The following LARP4B variants were observed in gnomAD, a reference collection of about 807,000 sequenced individuals.
LARP4B encodes the protein La ribonucleoprotein 4B, also known as la-related protein 4B.
In LARP4B, 12 loss-of-function variants were observed where a neutral mutation model predicts 89.8. The observed-to-expected ratio is 0.13, with a 90% CI of 0.09 to 0.22. The LOEUF is 0.22. Ranked by LOEUF, LARP4B falls within the 10% of genes least tolerant of loss-of-function variation. The probability of loss-of-function intolerance (pLI) is 1.00; values close to 1 mark genes in which losing one functional copy is unlikely to be tolerated. For synonymous variants in LARP4B, 367 were observed against 363.3 expected, an observed-to-expected ratio of 1.01 and a Z score of -0.12; for missense variants, 757 against 947.7, an observed-to-expected ratio of 0.80 and a Z score of 2.64.
intron 1 of LARP4B, among the ~76,000 whole-genome samples, chr10:890,740 T>C (rs1380445508): frequency 1.3e-5 from 2 of 152,120 alleles, no homozygotes; most frequent in Non-Finnish European, 2.9e-5. Context: ...TTTAACTATG[T>C]AGATGATTCT....
At chr10:964,098 G>A in the LARP4B span, among the ~76,000 whole-genome samples, 8 of 152,118 alleles carry the variant, frequency 5.3e-5, no homozygotes, top group South Asian at 2.1e-4. Flanking sequence ...ACAGAGTCTC[G>A]CTCTGTTGCC....
chr10:984,097 A>G, the LARP4B span, among the ~76,000 whole-genome samples: 24 of 152,204 alleles, frequency 1.6e-4, no homozygotes, highest in Non-Finnish European at 2.8e-4. Context: ...AACTTGTGAC[A>G]ATGACGTCAC....
intron 11 of LARP4B, among the ~76,000 whole-genome samples, chr10:828,964 C>G (rs147181667): frequency 1.1e-4 from 16 of 152,238 alleles, no homozygotes; most frequent in Middle Eastern, 3.4e-3. Flanking sequence ...TCCTGTCGAC[C>G]AACTCTAATG....
chr10:910,008 C>T (rs528160451), intron 1 of LARP4B, among the ~76,000 whole-genome samples: 3 of 152,078 alleles, frequency 2.0e-5, no homozygotes, highest in Non-Finnish European at 4.4e-5. Context: ...GGTATGCAGG[C>T]CCAGAGAGCC....
intron 5 of LARP4B, 29 bp downstream of exon 5, chr10:863,714 G>T: frequency 6.4e-7 from 1 of 1,564,128 alleles, no homozygotes; most frequent in Non-Finnish European, 8.6e-7. Flanking sequence ...CATATTCCCT[G>T]GGAAAATGCA....
At chr10:930,032 C>A (rs1837256186) in intron 1 of LARP4B, among the ~76,000 whole-genome samples, 2 of 152,054 alleles carry the variant, frequency 1.3e-5, no homozygotes, top group Non-Finnish European at 2.9e-5. Context: ...ATTTCAACTT[C>A]TGTAAATTAC....
chr10:945,689 GA>G, the LARP4B span, among the ~76,000 whole-genome samples: 114 of 142,570 alleles, frequency 8.0e-4, no homozygotes, highest in East Asian at 0.014. Flanking sequence ...CTCCGTCTCA[GA>G]AAAAAAAAAA....
chr10:912,675 C>G (rs1378402232), intron 1 of LARP4B, among the ~76,000 whole-genome samples: 2 of 142,324 alleles, frequency 1.4e-5, no homozygotes, highest in Non-Finnish European at 3.0e-5. Flanking sequence ...AGGTCAAAAC[C>G]AGCCTGGGCA....
At chr10:876,308 C>T (rs1428867495) in intron 3 of LARP4B, among the ~76,000 whole-genome samples, 6 of 152,064 alleles carry the variant, frequency 3.9e-5, no homozygotes, top group Admixed American at 3.9e-4. Flanking sequence ...CGCTTGAACC[C>T]AGCGGGTCAG....
At chr10:859,725 A>G (rs1045557104) in intron 5 of LARP4B, among the ~76,000 whole-genome samples, 2 of 152,224 alleles carry the variant, frequency 1.3e-5, no homozygotes, top group Non-Finnish European at 1.5e-5. Context: ...CAAGCCTTGA[A>G]GACATGGAGG....
the LARP4B span, among the ~76,000 whole-genome samples, chr10:983,602 G>C: frequency 6.6e-6 from 1 of 152,128 alleles, no homozygotes; most frequent in African/African-American, 2.4e-5. Flanking sequence ...GGAAGCCTGG[G>C]AGCAGCTCTC....
chr10:837,050 C>T (rs1833256960), intron 7 of LARP4B, among the ~76,000 whole-genome samples: 1 of 152,174 alleles, frequency 6.6e-6, no homozygotes, highest in African/African-American at 2.4e-5. Context: ...CCCACTGTCA[C>T]AAAGACACAA....
At chr10:975,392 G>A in the LARP4B span, among the ~76,000 whole-genome samples, 7 of 152,310 alleles carry the variant, frequency 4.6e-5, no homozygotes, top group South Asian at 2.1e-4. Flanking sequence ...CTCAGTAAGC[G>A]TCTGTTGAAT....
chr10:871,922 G>A (rs1040450062), intron 3 of LARP4B, among the ~76,000 whole-genome samples: 11 of 152,032 alleles, frequency 7.2e-5, no homozygotes, highest in Non-Finnish European at 1.6e-4. Flanking sequence ...TACCACCTCC[G>A]GGTCATCACT....
At chr10:961,165 A>T in the LARP4B span, among the ~76,000 whole-genome samples, 2 of 152,198 alleles carry the variant, frequency 1.3e-5, no homozygotes, top group East Asian at 3.8e-4. Flanking sequence ...ATGTTAAAAG[A>T]AGTTCTTCAG....
rs77170159 is a variant in LARP4B at position 922,871 on chromosome 10, G to A, written c.-40+8557C>T. Among the ~76,000 whole-genome samples, 429 of 152,258 alleles carry A rather than the reference G, an allele frequency of 2.8e-3. 5 individuals are homozygous for A. Among genetic ancestry groups the A allele is most frequent in the African/African-American group, 1.0e-2 (415 of 41,550 alleles). On this transcript the variant is annotated intron_variant, in intron 1 of 17. Coordinates refer to ENST00000316157, the MANE Select transcript of LARP4B (RefSeq NM_015155.3). Reference sequence around the variant, plus strand: ...GCAGATTGCTTGAGGTCAGGAGATTGAGTCCATCCTGGCTAACATGGTGAA... The same window carrying A: ...GCAGATTGCTTGAGGTCAGGAGATTAAGTCCATCCTGGCTAACATGGTGAA...
chr10:869,943 TAATAATAA>T (rs1406684442), intron 3 of LARP4B: 1 of 176,300 alleles, frequency 5.7e-6, no homozygotes, highest in Non-Finnish European at 1.0e-5. Context: ...ATAATAATAA[TAATAATAA>T]ATTAAAATGT....
chr10:938,709 T>C, the LARP4B span, among the ~76,000 whole-genome samples: 2 of 152,212 alleles, frequency 1.3e-5, no homozygotes, highest in Admixed American at 1.3e-4. Flanking sequence ...TGTCTGTATG[T>C]ATATGTCTAT....
At chr10:813,633 A>G (rs901676715) in intron 17 of LARP4B, among the ~76,000 whole-genome samples, 8 of 152,218 alleles carry the variant, frequency 5.3e-5, no homozygotes, top group Non-Finnish European at 1.2e-4. Context: ...CAAACTCCAA[A>G]AACAGTCTTT....
Sources: gnomAD v4.1 joint callset for allele counts (sites outside exome capture counted in the v4.1 genomes callset) on GRCh38, gnomAD v4.1.1 for gene constraint, MANE v1.5 for transcripts, NCBI Gene and HGNC (gene_info 2026-07-23, HGNC 2026-07-21) for gene names.